Variants in CDH13 observed in about 807,000 individuals in gnomAD.
The protein encoded by CDH13 is cadherin 13.
In CDH13, 24 loss-of-function variants were observed where a neutral mutation model predicts 63.8. The ratio of observed to expected loss-of-function variants is 0.38; its 90% CI spans 0.27 to 0.53. The LOEUF is 0.53. Ranked by LOEUF, CDH13 falls within the 20% of genes least tolerant of loss-of-function variation. The pLI, the probability that CDH13 is intolerant of heterozygous loss-of-function variation, is 0.85. For synonymous variants in CDH13, 503 were observed against 355.3 expected (o/e 1.42, Z -4.67); for missense variants, 1,049 against 903.1 (o/e 1.16, Z -2.07).
intron 3 of CDH13, among the ~76,000 whole-genome samples, chr16:83,065,043 C>A (rs1009327742): frequency 6.6e-6 from 1 of 152,096 alleles, no homozygotes; most frequent in African/African-American, 2.4e-5. Context: ...TAATCACCAT[C>A]CTACTGCTTC....
chr16:82,703,934 C>T (rs2031267858), intron 1 of CDH13, among the ~76,000 whole-genome samples: 1 of 152,200 alleles, frequency 6.6e-6, no homozygotes, highest in Admixed American at 6.5e-5. Flanking sequence ...GTGTTATAGA[C>T]TCCTTTGCAT....
chr16:82,950,073 C>T (rs1905133817), intron 2 of CDH13, among the ~76,000 whole-genome samples: 1 of 152,096 alleles, frequency 6.6e-6, no homozygotes, highest in African/African-American at 2.4e-5. Context: ...CAAAGTGCCA[C>T]AAACTGGGTG....
chr16:83,448,424 G>T (rs1382606490), intron 6 of CDH13, among the ~76,000 whole-genome samples: 1 of 152,174 alleles, frequency 6.6e-6, no homozygotes, highest in African/African-American at 2.4e-5. Context: ...CACTGGGTCA[G>T]ATCTCTTCCC....
chr16:82,958,079 T>C (rs1906396205), intron 2 of CDH13, among the ~76,000 whole-genome samples: 2 of 152,188 alleles, frequency 1.3e-5, no homozygotes, highest in Non-Finnish European at 2.9e-5. Context: ...ACTCACAGAT[T>C]CCTAACTAAG....
chr16:83,326,668 T>G (rs909132577), intron 5 of CDH13, among the ~76,000 whole-genome samples: 52 of 152,248 alleles, frequency 3.4e-4, no homozygotes, highest in Non-Finnish European at 7.1e-4. Context: ...ATTTACACTT[T>G]GTCTCTGCAT....
At chr16:83,528,646 T>A (rs2075015204) in intron 7 of CDH13, among the ~76,000 whole-genome samples, 1 of 152,220 alleles carries the variant, frequency 6.6e-6, no homozygotes, top group Non-Finnish European at 1.5e-5. Context: ...TCCATCTATC[T>A]CTAAATTTCC....
At chr16:83,224,320 G>A (rs2039783394) in intron 5 of CDH13, among the ~76,000 whole-genome samples, 2 of 152,354 alleles carry the variant, frequency 1.3e-5, no homozygotes, top group African/African-American at 4.8e-5. Flanking sequence ...ACATGTGTGT[G>A]CAAGTATCTT....
At chr16:83,065,440 C>T (rs1161046988) in intron 3 of CDH13, among the ~76,000 whole-genome samples, 2 of 152,088 alleles carry the variant, frequency 1.3e-5, no homozygotes, top group South Asian at 2.1e-4. Context: ...CGTGGTGGCT[C>T]GTGCCTGTAA....
chr16:83,333,017 A>C (rs1452894255), intron 5 of CDH13, among the ~76,000 whole-genome samples: 1 of 152,194 alleles, frequency 6.6e-6, no homozygotes, highest in Non-Finnish European at 1.5e-5. Context: ...AAGATCTTTA[A>C]TTAATAACCT....
intron 7 of CDH13, among the ~76,000 whole-genome samples, chr16:83,588,460 A>G (rs6563940): frequency 0.014 from 2,206 of 152,298 alleles, 52 homozygotes; most frequent in African/African-American, 0.051. Flanking sequence ...GATTTAGAAT[A>G]AGTTCAACTT....
In CDH13 at chr16:83,179,970, G is replaced by A. The variant is rs187583820; in HGVS notation, c.484-37375G>A. Among the ~76,000 whole-genome samples the A allele has an allele frequency of 7.2e-5, 11 of 151,926 alleles. No homozygotes were observed. The East Asian group carries it at 9.7e-4, about 13-fold the overall frequency. ...CTTACTTTCAATGACTGCTTTGAGC[G>A]TCTAATTTTAATCCATATATTTTCT... On this transcript the variant is annotated intron_variant, in intron 4 of 13. Coordinates refer to ENST00000567109, the MANE Select transcript of CDH13 (RefSeq NM_001257.5).
intron 5 of CDH13, among the ~76,000 whole-genome samples, chr16:83,304,205 T>G (rs1398273681): frequency 6.6e-6 from 1 of 152,126 alleles, no homozygotes; most frequent in African/African-American, 2.4e-5. Context: ...AATGTGGGTT[T>G]TATCCCACAG....
At chr16:83,745,975 G>T (rs1188890253) in intron 10 of CDH13, among the ~76,000 whole-genome samples, 1 of 152,150 alleles carries the variant, frequency 6.6e-6, no homozygotes, top group Non-Finnish European at 1.5e-5. Context: ...TGGGTTCAGG[G>T]TCGCAGCTCC....
At chr16:83,002,280 C>T (rs1010404012) in intron 2 of CDH13, among the ~76,000 whole-genome samples, 2 of 152,212 alleles carry the variant, frequency 1.3e-5, no homozygotes, top group African/African-American at 4.8e-5. Flanking sequence ...AGAGGAACAA[C>T]ACTGCAGGAG....
chr16:82,993,511 A>G (rs1567725525), intron 2 of CDH13, among the ~76,000 whole-genome samples: 2 of 152,174 alleles, frequency 1.3e-5, no homozygotes, highest in African/African-American at 2.4e-5. Context: ...CCTCTTTGCC[A>G]AGCCCAAATT....
intron 6 of CDH13, among the ~76,000 whole-genome samples, chr16:83,371,776 T>G (rs1052439775): frequency 1.3e-5 from 2 of 152,192 alleles, no homozygotes; most frequent in African/African-American, 4.8e-5. Flanking sequence ...TCAGAGTGGA[T>G]AGTACCCCTG....
chr16:83,707,536 A>ATT (rs1211305251), intron 10 of CDH13, among the ~76,000 whole-genome samples: 1 of 152,138 alleles, frequency 6.6e-6, no homozygotes, highest in Non-Finnish European at 1.5e-5. Context: ...TGCCAGCTAT[A>ATT]TTTTTACCAT....
chr16:83,279,664 A>T (rs1470222771), intron 5 of CDH13, among the ~76,000 whole-genome samples: 2 of 152,170 alleles, frequency 1.3e-5, no homozygotes, highest in African/African-American at 4.8e-5. Context: ...GAAAAACATC[A>T]TTAGCTTCCT....
At chr16:83,555,994 C>T (rs1034667473) in intron 7 of CDH13, among the ~76,000 whole-genome samples, 1 of 152,130 alleles carries the variant, frequency 6.6e-6, no homozygotes, top group Non-Finnish European at 1.5e-5. Context: ...CACTGGTACC[C>T]AGAGGGTTTT....
Sources: gnomAD v4.1 joint callset for allele counts (sites outside exome capture counted in the v4.1 genomes callset) on GRCh38, gnomAD v4.1.1 for gene constraint, MANE v1.5 for transcripts, NCBI Gene and HGNC (gene_info 2026-07-23, HGNC 2026-07-21) for gene names.